LYPD6: variants seen among roughly 807,000 people sequenced by gnomAD.
LYPD6 encodes ly6/PLAUR domain-containing protein 6.
A neutral mutation model predicts 22.7 loss-of-function variants in LYPD6; 15 were observed. That is an observed-to-expected ratio of 0.66 (90% CI 0.44 to 1.02). The LOEUF (loss-of-function observed/expected upper bound fraction) is 1.02. Among genes scored for constraint, LYPD6 ranks in the 50% least tolerant of loss-of-function variants. LYPD6 has a pLI of 0.00. For missense variants in LYPD6, 189 were observed against 208.4 expected, an observed-to-expected ratio of 0.91 and a Z score of 0.57; for synonymous variants, 72 against 77.5, an observed-to-expected ratio of 0.93 and a Z score of 0.37.
At chr2:149,347,398 G>A (rs1661469902) in intron 1 of LYPD6, among the ~76,000 whole-genome samples, 1 of 151,966 alleles carries the variant, frequency 6.6e-6, no homozygotes. Context: ...TTTTAGGTTG[G>A]GCAGGGAACA....
the LYPD6 span, among the ~76,000 whole-genome samples, chr2:149,480,671 T>G: frequency 1.3e-5 from 2 of 152,158 alleles, no homozygotes; most frequent in African/African-American, 4.8e-5. Context: ...TCACTTGCAG[T>G]GTTATTGCCG....
intron 3 of LYPD6, 68 bp downstream of exon 3, chr2:149,449,215 G>T: frequency 9.4e-7 from 1 of 1,066,758 alleles, no homozygotes; most frequent in Non-Finnish European, 1.4e-6. Context: ...TTTGACTTTG[G>T]TGATGTATAA....
At chr2:149,366,228 T>C (rs1440955155) in intron 1 of LYPD6, among the ~76,000 whole-genome samples, 1 of 152,216 alleles carries the variant, frequency 6.6e-6, no homozygotes, top group Admixed American at 6.5e-5. Context: ...TGTCTACTTT[T>C]TGTCATAGCT....
chr2:149,455,343 C>T (rs1270202477), intron 3 of LYPD6, among the ~76,000 whole-genome samples: 1 of 151,018 alleles, frequency 6.6e-6, no homozygotes, highest in African/African-American at 2.4e-5. Flanking sequence ...ACTGCAAGCT[C>T]CGCCTCCTGG....
At chr2:149,425,551 A>G (rs1240826580) in intron 1 of LYPD6, among the ~76,000 whole-genome samples, 3 of 152,180 alleles carry the variant, frequency 2.0e-5, no homozygotes, top group Non-Finnish European at 4.4e-5. Flanking sequence ...AAAAACAAAA[A>G]TGTTCTATTA....
intron 1 of LYPD6, among the ~76,000 whole-genome samples, chr2:149,436,258 TAAAC>T (rs1414194256): frequency 6.6e-6 from 1 of 152,214 alleles, no homozygotes; most frequent in African/African-American, 2.4e-5. Flanking sequence ...ACATTTATAT[TAAAC>T]AAAATATCAA....
At chr2:149,480,362 A>G in the LYPD6 span, among the ~76,000 whole-genome samples, 1 of 151,912 alleles carries the variant, frequency 6.6e-6, no homozygotes, top group Non-Finnish European at 1.5e-5. Context: ...AGCTCTTTGC[A>G]CAGTGTTCTT....
At chr2:149,377,174 A>G (rs1681940164) in intron 1 of LYPD6, among the ~76,000 whole-genome samples, 1 of 151,938 alleles carries the variant, frequency 6.6e-6, no homozygotes, top group African/African-American at 2.4e-5. Context: ...TTTGTGGTGA[A>G]GTAGATGACT....
intron 1 of LYPD6, among the ~76,000 whole-genome samples, chr2:149,350,076 G>GA (rs895256236): frequency 6.6e-6 from 1 of 151,966 alleles, no homozygotes; most frequent in Non-Finnish European, 1.5e-5. Flanking sequence ...TTTTAAAAAG[G>GA]AAAAAAATCA....
intron 1 of LYPD6, among the ~76,000 whole-genome samples, chr2:149,424,644 G>C (rs1183680698): frequency 1.3e-5 from 2 of 152,012 alleles, no homozygotes; most frequent in Non-Finnish European, 2.9e-5. Flanking sequence ...CTTTCTAAAG[G>C]AAGTGAACTG....
rs988519269 is a variant in LYPD6, at chr2:149,437,926, C to T, written c.118+100C>T. 4 of 1,311,998 alleles carry T rather than the reference C, an allele frequency of 3.0e-6. No individual in the cohort carries two copies. In the African/African-American group the frequency reaches 5.8e-5, roughly 19 times the overall value. The allele number at this position is 1,311,998 out of a possible 1,614,324, so 81.3% of individuals were successfully genotyped here. ...AGGCATCCTTCAGTATAGTGAAAAC[C>T]TCCCGTGATTTAACTGGGGTGGTGC... On this transcript the variant is annotated intron_variant, in intron 2 of 4. Coordinates refer to ENST00000334166, the MANE Select transcript of LYPD6 (RefSeq NM_194317.5).
chr2:149,366,101 A>G (rs1159666962), intron 1 of LYPD6, among the ~76,000 whole-genome samples: 2 of 152,206 alleles, frequency 1.3e-5, no homozygotes, highest in African/African-American at 2.4e-5. Flanking sequence ...ATTAAACCAC[A>G]TGGAATTTCA....
At chr2:149,470,658 A>G (rs372550339) in intron 4 of LYPD6, 25 bp from the exon 5 acceptor site, 29 of 1,601,602 alleles carry the variant, frequency 1.8e-5, no homozygotes, top group East Asian at 2.2e-5. Context: ...GCTTCTCATT[A>G]TCTTTTTTTC....
chr2:149,337,352 A>G (rs2105045464), intron 1 of LYPD6, among the ~76,000 whole-genome samples: 1 of 152,258 alleles, frequency 6.6e-6, no homozygotes, highest in East Asian at 1.9e-4. Flanking sequence ...GTTTCTCTGT[A>G]AGTTATCCTG....
At chr2:149,332,506 TCTA>T (rs2105040606) in intron 1 of LYPD6, among the ~76,000 whole-genome samples, 1 of 152,342 alleles carries the variant, frequency 6.6e-6, no homozygotes, top group South Asian at 2.1e-4. Flanking sequence ...CATATTGAAA[TCTA>T]CTATTAAAGT....
At chr2:149,445,692 G>A (rs997742840) in intron 2 of LYPD6, among the ~76,000 whole-genome samples, 1 of 152,210 alleles carries the variant, frequency 6.6e-6, no homozygotes, top group Non-Finnish European at 1.5e-5. Context: ...ACTAATAAGA[G>A]TTAGGACCTT....
chr2:149,431,347 A>G (rs1461334046), intron 1 of LYPD6, among the ~76,000 whole-genome samples: 2 of 152,248 alleles, frequency 1.3e-5, no homozygotes, highest in Non-Finnish European at 2.9e-5. Flanking sequence ...GTCCCAGGAA[A>G]GACTTCATAT....
At chr2:149,418,600 G>A (rs1240917862) in intron 1 of LYPD6, among the ~76,000 whole-genome samples, 2 of 150,774 alleles carry the variant, frequency 1.3e-5, no homozygotes, top group African/African-American at 2.5e-5. Context: ...GAGACCTTGC[G>A]CTATTTCTCA....
intron 1 of LYPD6, among the ~76,000 whole-genome samples, chr2:149,386,787 G>T (rs1048158061): frequency 5.9e-5 from 9 of 152,206 alleles, no homozygotes; most frequent in African/African-American, 1.9e-4. Flanking sequence ...CTGTGTGGCA[G>T]CCTGCAGCCA....
Sources: allele counts gnomAD v4.1 joint callset (sites outside exome capture counted in the v4.1 genomes callset), GRCh38; gene constraint gnomAD v4.1.1; transcripts MANE v1.5; gene names NCBI Gene and HGNC (gene_info 2026-07-23, HGNC 2026-07-21).